RAMP1: variants seen among roughly 807,000 people sequenced by gnomAD.
The protein encoded by RAMP1 is receptor activity modifying protein 1.
In RAMP1, 7 loss-of-function variants were observed where a neutral mutation model predicts 8.2. The ratio of observed to expected loss-of-function variants is 0.85; its 90% confidence interval spans 0.49 to 1.60. RAMP1 has a LOEUF of 1.60. RAMP1 is among the 40% of genes most tolerant of loss of function. RAMP1 has a pLI of 0.00. For synonymous variants in RAMP1, 92 were observed against 84.7 expected (o/e 1.09, Z -0.47); for missense variants, 192 against 202.4 (o/e 0.95, Z 0.31).
intron 1 of RAMP1, among the ~76,000 whole-genome samples, chr2:237,872,548 G>T (rs1281914570): frequency 1.3e-5 from 2 of 152,206 alleles, no homozygotes; most frequent in Admixed American, 6.5e-5. Context: ...CACAGCCTTT[G>T]GGGCAGGTGT....
chr2:237,906,921 C>G (rs2062659065), intron 2 of RAMP1, among the ~76,000 whole-genome samples: 1 of 152,054 alleles, frequency 6.6e-6, no homozygotes, highest in Admixed American at 6.6e-5. Flanking sequence ...TGAGGTTTCA[C>G]CATGTTAGCC....
chr2:237,887,491 A>G (rs1415982538), intron 2 of RAMP1, among the ~76,000 whole-genome samples: 1 of 152,192 alleles, frequency 6.6e-6, no homozygotes, highest in African/African-American at 2.4e-5. Context: ...TCTTGTCTCA[A>G]TCAAAAAATG....
intron 1 of RAMP1, 64 bp downstream of exon 1, chr2:237,859,791 A>G (rs1029779258): frequency 2.0e-5 from 21 of 1,032,064 alleles, no homozygotes; most frequent in Non-Finnish European, 2.7e-5. Flanking sequence ...CCTCTAGGGG[A>G]GAGGAGGGGA....
intron 1 of RAMP1, among the ~76,000 whole-genome samples, chr2:237,876,993 G>A (rs1451775566): frequency 6.6e-6 from 1 of 152,196 alleles, no homozygotes; most frequent in Non-Finnish European, 1.5e-5. Flanking sequence ...CCTGGCCCAA[G>A]CTGGCACGGG....
At chr2:237,894,787 G>A (rs1002701445) in intron 2 of RAMP1, among the ~76,000 whole-genome samples, 20 of 152,270 alleles carry the variant, frequency 1.3e-4, no homozygotes, top group South Asian at 6.2e-4. Flanking sequence ...TCCCTTGCTC[G>A]GGTGAATGTG....
chr2:237,901,225 G>A (rs945768494), intron 2 of RAMP1, among the ~76,000 whole-genome samples: 2 of 152,260 alleles, frequency 1.3e-5, no homozygotes, highest in Non-Finnish European at 2.9e-5. Context: ...TCTTCCTTCA[G>A]GCTTTGTTTC....
In RAMP1 at chr2:237,865,251, G is replaced by T. The variant is rs1005537508; in HGVS notation, c.52+5524G>T. Among the ~76,000 whole-genome samples, 4 of 148,814 alleles carry T rather than the reference G, an allele frequency of 2.7e-5. No homozygotes were observed. The highest frequency in any genetic ancestry group is 1.0e-4 in the African/African-American group (4 of 40,106). On this transcript the variant is annotated intron_variant, in intron 1 of 2. Transcript: ENST00000254661. The surrounding 1 kb of genome is among the most constrained non-coding windows in gnomAD (Gnocchi z 4.2). ...GCTCCTGGGGGAGTAGGGAGGGCAG[G>T]GCAGGGGAGAAGAGAGGAGAGGAGG...
chr2:237,879,295 C>T (rs144613443), intron 2 of RAMP1, among the ~76,000 whole-genome samples: 16 of 152,022 alleles, frequency 1.1e-4, no homozygotes, highest in African/African-American at 3.6e-4. Flanking sequence ...CAGGGTAATG[C>T]ACACAGTGTT....
Position 237,859,711 on chromosome 2 carries a change from C to A in RAMP1, c.36C>A (p.Gly12=). ...ARALCRLPRR[G]LWLLLAHHLF... The stretch of plus-strand genomic sequence containing the variant: ...CCCTGTGCCGCCTCCCGCGGCGCGG[C>A]CTCTGGCTGCTCCTGGGTGAGTAGG... Residue 12 remains glycine (G), a synonymous_variant, in exon 1 of 3, where the codon GGC becomes GGA. Transcript: ENST00000254661. 6.6e-7 allele frequency: 1 copy of A among 1,513,822 alleles called. No homozygotes were observed. Among genetic ancestry groups the A allele is most frequent in the African/African-American group, 1.4e-5 (1 of 69,356 alleles). 93.8% of individuals were successfully genotyped at this position (1,513,822 alleles called of 1,614,324 possible).
intron 2 of RAMP1, among the ~76,000 whole-genome samples, chr2:237,882,734 G>T (rs2062383284): frequency 6.6e-6 from 1 of 151,326 alleles, no homozygotes; most frequent in Non-Finnish European, 1.5e-5. Context: ...GGGCAAGTTT[G>T]TCCAAGTAAC....
chr2:237,882,075 GT>G (rs1173975431), intron 2 of RAMP1, among the ~76,000 whole-genome samples: 2 of 152,188 alleles, frequency 1.3e-5, no homozygotes, highest in East Asian at 3.9e-4. Context: ...TGTGTATGGT[GT>G]GAACTATGAA....
At chr2:237,900,591 T>C (rs938045229) in intron 2 of RAMP1, among the ~76,000 whole-genome samples, 1 of 152,220 alleles carries the variant, frequency 6.6e-6, no homozygotes, top group Non-Finnish European at 1.5e-5. Context: ...TTTAATAAAA[T>C]AATTTATAAC....
chr2:237,891,210 GCA>G (rs2062485056), intron 2 of RAMP1, among the ~76,000 whole-genome samples: 1 of 137,016 alleles, frequency 7.3e-6, no homozygotes, highest in Non-Finnish European at 1.6e-5. Flanking sequence ...GGGTGCAGTG[GCA>G]TGGTCTCGGC....
At chr2:237,867,619 G>T (rs1367989551) in intron 1 of RAMP1, among the ~76,000 whole-genome samples, 2 of 152,200 alleles carry the variant, frequency 1.3e-5, no homozygotes, top group African/African-American at 2.4e-5. Flanking sequence ...AGTGCTGGCA[G>T]GCCGCTGGCA....
chr2:237,886,960 A>G (rs302673), intron 2 of RAMP1, among the ~76,000 whole-genome samples: 87,405 of 152,030 alleles, frequency 0.57, 26,148 homozygotes, highest in Non-Finnish European at 0.67. Context: ...CAGCAGCCAC[A>G]CCCCCAGAAA....
At chr2:237,897,372 C>T (rs767433731) in intron 2 of RAMP1, among the ~76,000 whole-genome samples, 3 of 152,204 alleles carry the variant, frequency 2.0e-5, no homozygotes, top group Non-Finnish European at 4.4e-5. Context: ...GCCATTTTCT[C>T]CGGCTTCATC....
chr2:237,883,299 C>T (rs545102077), intron 2 of RAMP1, among the ~76,000 whole-genome samples: 21 of 152,232 alleles, frequency 1.4e-4, no homozygotes, highest in African/African-American at 3.6e-4. Flanking sequence ...ACAACAGCTG[C>T]GTGTCAAAGG....
chr2:237,894,202 C>T (rs987854793), intron 2 of RAMP1, among the ~76,000 whole-genome samples: 1 of 152,018 alleles, frequency 6.6e-6, no homozygotes. Context: ...AACTCCTGAC[C>T]TCAAGTGATC....
At chr2:237,899,469 A>G (rs960447453) in intron 2 of RAMP1, among the ~76,000 whole-genome samples, 3 of 152,354 alleles carry the variant, frequency 2.0e-5, no homozygotes, top group African/African-American at 7.2e-5. Context: ...GTTTTCTCAA[A>G]TGCCTTCTCA....
Sources: gnomAD v4.1 joint callset for allele counts (sites outside exome capture counted in the v4.1 genomes callset) on GRCh38, gnomAD v4.1.1 for gene constraint, Gnocchi (gnomAD v3.1) non-coding constraint, MANE v1.5 for transcripts, NCBI Gene and HGNC (gene_info 2026-07-23, HGNC 2026-07-21) for gene names.